Variants in KALRN observed in about 807,000 individuals in gnomAD.
The protein encoded by KALRN is kalirin.
KALRN carries 70 observed loss-of-function variants against 353.7 expected under a neutral mutation model. That is an observed-to-expected ratio of 0.20 (90% CI 0.16 to 0.24). The LOEUF is 0.24. KALRN is among the 10% of genes least tolerant of loss of function. The pLI is 1.00. For synonymous variants in KALRN, 1,391 were observed against 1,434.8 expected, an observed-to-expected ratio of 0.97 and a Z score of 0.69; for missense variants, 2,791 against 3,756.7, an observed-to-expected ratio of 0.74 and a Z score of 6.72.
At chr3:124,505,680 A>G (rs2065129937) in intron 33 of KALRN, among the ~76,000 whole-genome samples, 1 of 152,194 alleles carries the variant, frequency 6.6e-6, no homozygotes, top group African/African-American at 2.4e-5. Flanking sequence ...TTTGCTAGAC[A>G]AGAACCTCTG....
intron 58 of KALRN, among the ~76,000 whole-genome samples, chr3:124,713,478 G>A (rs1196371493): frequency 2.6e-5 from 4 of 152,068 alleles, no homozygotes; most frequent in African/African-American, 9.7e-5. Flanking sequence ...GTCGACAGTA[G>A]GCTGATTGAC....
At chr3:124,691,890 C>G (rs547901746) in intron 51 of KALRN, among the ~76,000 whole-genome samples, 1 of 152,270 alleles carries the variant, frequency 6.6e-6, no homozygotes, top group South Asian at 2.1e-4. Flanking sequence ...GCCTCGAAAC[C>G]TTTTCACACA....
chr3:124,632,871 C>T (rs2080932870), intron 35 of KALRN, among the ~76,000 whole-genome samples, 168 bp downstream of exon 35: 1 of 152,188 alleles, frequency 6.6e-6, no homozygotes, highest in Non-Finnish European at 1.5e-5. Context: ...TGATTTGTGG[C>T]TGATTCAGAA....
intron 1 of KALRN, among the ~76,000 whole-genome samples, chr3:124,052,235 A>G (rs141029440): frequency 1.0e-3 from 158 of 152,292 alleles, no homozygotes; most frequent in African/African-American, 3.8e-3. Context: ...CTTGGGGAGG[A>G]TCATCCTGAC....
chr3:124,647,732 CT>C (rs1559761979), intron 37 of KALRN, among the ~76,000 whole-genome samples: 1 of 152,102 alleles, frequency 6.6e-6, no homozygotes, highest in East Asian at 1.9e-4. Context: ...AAATATTTTC[CT>C]GAATTCAAAC....
chr3:124,312,503 A>G (rs547954776), intron 6 of KALRN, among the ~76,000 whole-genome samples: 1 of 152,348 alleles, frequency 6.6e-6, no homozygotes, highest in South Asian at 2.1e-4. Context: ...GGTATGTTGA[A>G]AAAAAAGAAA....
intron 12 of KALRN, among the ~76,000 whole-genome samples, chr3:124,396,355 A>C (rs1241907027): frequency 6.6e-6 from 1 of 152,232 alleles, no homozygotes; most frequent in South Asian, 2.1e-4. Flanking sequence ...AATAATTTCT[A>C]TTCCAAATAT....
chr3:124,189,528 C>G (rs912575396), intron 1 of KALRN, among the ~76,000 whole-genome samples: 1 of 152,166 alleles, frequency 6.6e-6, no homozygotes, highest in African/African-American at 2.4e-5. Flanking sequence ...GAGGGCCAAG[C>G]AAGGTGGCTC....
At chr3:124,151,886 T>C (rs920111016) in intron 1 of KALRN, 4 of 562,044 alleles carry the variant, frequency 7.1e-6, no homozygotes, top group African/African-American at 5.6e-5. Flanking sequence ...TTATTATTAC[T>C]ATTTTGTATT....
intron 52 of KALRN, among the ~76,000 whole-genome samples, chr3:124,694,087 T>C (rs2150596566): frequency 6.6e-6 from 1 of 152,348 alleles, no homozygotes; most frequent in South Asian, 2.1e-4. Context: ...TAATTATCTC[T>C]GGATTATGAC....
intron 13 of KALRN, among the ~76,000 whole-genome samples, chr3:124,400,154 G>A (rs773763483): frequency 6.6e-5 from 10 of 151,756 alleles, no homozygotes; most frequent in South Asian, 2.1e-4. Context: ...TTAATATATC[G>A]AAAGCTCCAA....
In KALRN at chr3:124,278,458, G is replaced by GGTGTGTGTGTGTGT. The variant is rs55855993; in HGVS notation, c.969+9221_969+9234dup. On this transcript the variant is annotated intron_variant, in intron 5 of 59. Transcript: ENST00000682506. ...TGTTTGAAGAATGAAGGACACTTCA[G>GGTGTGTGTGTGTGT]GTGTGTGTGTGTGTGTGTGTGTGTG... Among the ~76,000 whole-genome samples, 268 of 145,498 alleles carry GGTGTGTGTGTGTGT rather than the reference G, an allele frequency of 1.8e-3. 2 individuals carry two copies. Among genetic ancestry groups the GGTGTGTGTGTGTGT allele is most frequent in the East Asian group, 6.6e-3 (31 of 4,698 alleles).
intron 1 of KALRN, among the ~76,000 whole-genome samples, chr3:124,150,522 C>T (rs550082899): frequency 3.9e-5 from 6 of 152,300 alleles, no homozygotes; most frequent in African/African-American, 1.2e-4. Context: ...TCTCCTAATG[C>T]TATCCCTCCT....
intron 33 of KALRN, among the ~76,000 whole-genome samples, chr3:124,498,376 G>A (rs2064118269): frequency 6.6e-6 from 1 of 152,120 alleles, no homozygotes; most frequent in Admixed American, 6.5e-5. Flanking sequence ...CCAGGTCATT[G>A]AGCCCCGATG....
At chr3:124,231,782 G>A (rs1283413751) in intron 2 of KALRN, among the ~76,000 whole-genome samples, 2 of 151,774 alleles carry the variant, frequency 1.3e-5, no homozygotes, top group East Asian at 1.9e-4. Flanking sequence ...ATGTGTCTGT[G>A]ATGCATATCC....
intron 3 of KALRN, among the ~76,000 whole-genome samples, chr3:124,264,241 C>T (rs1048795467): frequency 1.3e-5 from 2 of 152,172 alleles, no homozygotes; most frequent in Non-Finnish European, 2.9e-5. Context: ...TAGGGATACT[C>T]AACCTGCGTA....
Position 124,657,171 on chromosome 3 carries a change from T to C in KALRN, c.5863-277T>C, listed in dbSNP as rs555482173. Reference sequence around the variant, plus strand: ...CCTTTATAGACCTGATTAATTTGGATTGGGAGAAGGAAGAGGGACAGCTTA... The same window carrying C: ...CCTTTATAGACCTGATTAATTTGGACTGGGAGAAGGAAGAGGGACAGCTTA... On this transcript the variant is annotated intron_variant, in intron 39 of 59. Transcript: ENST00000682506. Among the ~76,000 whole-genome samples the C allele has an allele frequency of 1.2e-4, 19 of 152,294 alleles. 1 individual carries two copies. Among genetic ancestry groups the C allele is most frequent in the Admixed American group, 9.2e-4 (14 of 15,292 alleles).
intron 1 of KALRN, among the ~76,000 whole-genome samples, chr3:124,106,379 C>A (rs2062311778): frequency 6.6e-6 from 1 of 152,152 alleles, no homozygotes; most frequent in Non-Finnish European, 1.5e-5. Context: ...TTCATTCAAA[C>A]CTCCGATGAC....
chr3:124,658,345 C>A, intron 41 of KALRN, 86 bp from the exon 42 acceptor site: 1 of 990,042 alleles, frequency 1.0e-6, no homozygotes, highest in Non-Finnish European at 1.6e-6. Flanking sequence ...TGTCCTTTGT[C>A]CACGTGGAGG....
Sources: gnomAD v4.1 joint callset for allele counts (sites outside exome capture counted in the v4.1 genomes callset) on GRCh38, gnomAD v4.1.1 for gene constraint, MANE v1.5 for transcripts, NCBI Gene and HGNC (gene_info 2026-07-23, HGNC 2026-07-21) for gene names.